The following RB1 variants were observed in gnomAD, a reference collection of about 807,000 sequenced individuals.
RB1 encodes the protein retinoblastoma-associated protein.
A neutral mutation model predicts 135.4 loss-of-function variants in RB1; 18 were observed. The observed-to-expected ratio is 0.13, with a 90% CI of 0.09 to 0.20. The LOEUF (loss-of-function observed/expected upper bound fraction) is 0.20, where lower values mean the gene tolerates loss of function less well. RB1 is among the 10% of genes least tolerant of loss of function. The probability of loss-of-function intolerance (pLI) is 1.00; values close to 1 mark genes in which losing one functional copy is unlikely to be tolerated. For synonymous variants in RB1, 365 were observed against 373.2 expected (o/e 0.98, Z 0.25); for missense variants, 868 against 1,110.0 (o/e 0.78, Z 3.10).
rs1420834608 is a variant in RB1 at position 48,340,702 on chromosome 13, G to T, written c.265-1897G>T. ...TAAGCATAAAAATTTAAAGACTATG[G>T]TAGTTGGGGTTATTTATTAAAGAGA... On this transcript the variant is annotated intron_variant, in intron 2 of 26. Transcript: ENST00000267163. The T allele has an allele frequency of 1.7e-5, 3 of 173,568 alleles. No individual in the cohort carries two copies. The East Asian group carries it at 3.1e-4, about 18-fold the overall frequency. The allele number at this position is 173,568 out of a possible 1,614,324, so 10.8% of individuals were successfully genotyped here. A position where few individuals can be genotyped will look rare whatever the true frequency, so the allele number is the denominator to read the frequency against.
At chr13:48,413,790 GTTAATTTT>G (rs1261244154) in intron 17 of RB1, among the ~76,000 whole-genome samples, 6 of 152,068 alleles carry the variant, frequency 3.9e-5, no homozygotes, top group African/African-American at 1.4e-4. Context: ...TTGGTGTGGT[GTTAATTTT>G]ACTTTCTAAG....
rs550610843 is a variant in RB1, at chr13:48,407,282, A to G, written c.1695+25839A>G. Among the ~76,000 whole-genome samples, 6 of 152,326 alleles carry G rather than the reference A, an allele frequency of 3.9e-5. No individual in the cohort carries two copies. In the South Asian group the frequency reaches 8.3e-4, roughly 21 times the overall value. ...GCTCTATCTTTTGAATTCTGTTTTT[A>G]ACACTGCTTTTCCAATGAAAGAGGT... On this transcript the variant is annotated intron_variant, in intron 17 of 26. Coordinates refer to ENST00000267163, the MANE Select transcript of RB1 (RefSeq NM_000321.3).
intron 6 of RB1, among the ~76,000 whole-genome samples, chr13:48,351,959 C>G (rs1009253503): frequency 6.6e-6 from 1 of 151,982 alleles, no homozygotes; most frequent in East Asian, 1.9e-4. Context: ...CAGGAATGAG[C>G]CACCACACCT....
At chr13:48,452,034 T>C (rs1949330889) in intron 17 of RB1, among the ~76,000 whole-genome samples, 1 of 152,056 alleles carries the variant, frequency 6.6e-6, no homozygotes, top group Non-Finnish European at 1.5e-5. Context: ...TAGTGGTCTA[T>C]TTTATTAATT....
intron 13 of RB1, 130 bp from the exon 14 acceptor site, chr13:48,379,464 C>T: frequency 8.3e-7 from 1 of 1,203,758 alleles, no homozygotes; most frequent in Non-Finnish European, 1.2e-6. Flanking sequence ...GCAGGAGGAT[C>T]TCTTGAGCCC....
At chr13:48,315,815 A>T (rs982436892) in intron 2 of RB1, among the ~76,000 whole-genome samples, 1 of 152,208 alleles carries the variant, frequency 6.6e-6, no homozygotes, top group Admixed American at 6.5e-5. Context: ...AAACAAGTGC[A>T]GGTTTCTTTT....
intron 6 of RB1, among the ~76,000 whole-genome samples, chr13:48,349,639 A>G (rs1952529154): frequency 1.3e-5 from 2 of 152,044 alleles, no homozygotes; most frequent in African/African-American, 2.4e-5. Context: ...AGAGAAGACC[A>G]CAAAACAACC....
In RB1 at chr13:48,319,996, A is replaced by G; in HGVS notation, c.264+12590A>G. ...GCTTACATCTACTGCCACTGCCTGC[A>G]GCCCTGGAAGGCTGGGCTGCGCCTG... On this transcript the variant is annotated intron_variant, in intron 2 of 26. Transcript: ENST00000267163. The surrounding 1 kb of genome is among the most constrained non-coding windows in gnomAD (Gnocchi z 5.0). 1 of 419,336 alleles carries G rather than the reference A, an allele frequency of 2.4e-6. No individual in the cohort carries two copies. The highest frequency in any genetic ancestry group is 2.8e-5 in the South Asian group (1 of 35,120). 26.0% of individuals were successfully genotyped at this position (419,336 alleles called of 1,614,324 possible).
At position 48,353,201 on chromosome 13, in the gene RB1, G is replaced by A. The variant is rs139076106; in HGVS notation, c.607+4178G>A. On this transcript the variant is annotated intron_variant, in intron 6 of 26. Transcript: ENST00000267163. ...GTTAAACAAAATTGACAAGCCTTTA[G>A]CTAGATTAACTAAGGAAAAAAGAGA... Among the ~76,000 whole-genome samples the A allele has an allele frequency of 5.1e-3, 780 of 151,966 alleles. 4 individuals are homozygous for A. The highest frequency in any genetic ancestry group is 8.2e-3 in the Non-Finnish European group (554 of 67,956).
At chr13:48,474,444 A>G (rs1481932051) in intron 24 of RB1, among the ~76,000 whole-genome samples, 3 of 152,298 alleles carry the variant, frequency 2.0e-5, no homozygotes, top group East Asian at 3.9e-4. Flanking sequence ...CAAAGACCAA[A>G]TATCTTTCAA....
intron 17 of RB1, among the ~76,000 whole-genome samples, chr13:48,384,727 A>G (rs116105860): frequency 6.6e-6 from 1 of 152,304 alleles, no homozygotes; most frequent in African/African-American, 2.4e-5. Context: ...AAAGAACATC[A>G]TCTTATTTTT....
chr13:48,318,759 C>T (rs993365765), intron 2 of RB1: 4 of 679,458 alleles, frequency 5.9e-6, no homozygotes, highest in African/African-American at 1.8e-5. Context: ...GGCCTTGGGG[C>T]CACTGGTCTG....
At chr13:48,478,166 T>C (rs1339098553) in intron 26 of RB1, among the ~76,000 whole-genome samples, 1 of 152,204 alleles carries the variant, frequency 6.6e-6, no homozygotes, top group Non-Finnish European at 1.5e-5. Context: ...AGATAGGTGT[T>C]AAAACAATCA....
At chr13:48,391,036 C>T (rs1347584091) in intron 17 of RB1, among the ~76,000 whole-genome samples, 1 of 151,856 alleles carries the variant, frequency 6.6e-6, no homozygotes, top group Non-Finnish European at 1.5e-5. Flanking sequence ...CCTTTTCCTC[C>T]CTTTCCTCTT....
intron 1 of RB1, 130 bp downstream of exon 1, chr13:48,304,179 C>G: frequency 9.7e-7 from 1 of 1,030,096 alleles, no homozygotes; most frequent in Non-Finnish European, 1.3e-6. Context: ...GAGGCGCCCT[C>G]CCTGCCCCCC....
In RB1 at chr13:48,380,311, C is replaced by A; in HGVS notation, c.1498+70C>A. The A allele has an allele frequency of 2.6e-6, 3 of 1,155,592 alleles. No homozygotes were observed. The South Asian group carries it at 3.9e-5, about 15-fold the overall frequency. 71.6% of individuals were successfully genotyped at this position (1,155,592 alleles called of 1,614,324 possible). On this transcript the variant is annotated intron_variant, in intron 16 of 26. Transcript: ENST00000267163. ...TTAAAATGTGGTGTGTTTCTTTGGT[C>A]GGGGGAGAGGGATAGTGTGAGGTTA... is the stretch of plus-strand genomic sequence containing the variant.
At chr13:48,382,384 G>A (rs1272560376) in intron 17 of RB1, among the ~76,000 whole-genome samples, 3 of 152,174 alleles carry the variant, frequency 2.0e-5, no homozygotes, top group African/African-American at 4.8e-5. Context: ...TTTAATGATC[G>A]CCATTCTAAC....
chr13:48,366,574 T>C (rs1234919690), intron 9 of RB1, among the ~76,000 whole-genome samples: 1 of 152,200 alleles, frequency 6.6e-6, no homozygotes, highest in Admixed American at 6.5e-5. Flanking sequence ...TTTTAAAGTA[T>C]AATTAAAAAA....
At chr13:48,393,600 A>C (rs1593464109) in intron 17 of RB1, among the ~76,000 whole-genome samples, 1 of 152,314 alleles carries the variant, frequency 6.6e-6, no homozygotes, top group South Asian at 2.1e-4. Flanking sequence ...AGGCTTAGTG[A>C]TTGATGAAGT....
Sources: allele counts gnomAD v4.1 joint callset (sites outside exome capture counted in the v4.1 genomes callset), GRCh38; gene constraint gnomAD v4.1.1; non-coding constraint Gnocchi (gnomAD v3.1); transcripts MANE v1.5; gene names NCBI Gene and HGNC (gene_info 2026-07-23, HGNC 2026-07-21).